The following ALG6 variants were observed in gnomAD, a reference collection of about 807,000 sequenced individuals.
The protein encoded by ALG6 is dolichyl pyrophosphate Man9GlcNAc2 alpha-1,3-glucosyltransferase.
ALG6 carries 46 observed loss-of-function variants against 66.6 expected under a neutral mutation model. That is an observed-to-expected ratio of 0.69 (90% CI 0.55 to 0.88). The LOEUF (loss-of-function observed/expected upper bound fraction) is 0.88. ALG6 is among the 40% of genes least tolerant of loss of function. ALG6 has a pLI of 0.00. For synonymous variants in ALG6, 185 were observed against 203.7 expected (o/e 0.91, Z 0.78); for missense variants, 505 against 586.8 (o/e 0.86, Z 1.44).
intron 7 of ALG6, among the ~76,000 whole-genome samples, chr1:63,408,586 A>G (rs554527992): frequency 6.6e-6 from 1 of 152,252 alleles, no homozygotes; most frequent in South Asian, 2.1e-4. Flanking sequence ...GATAATCCCA[A>G]GTTGTTTTTA....
At chr1:63,409,710 T>G (rs1324337335) in intron 7 of ALG6, among the ~76,000 whole-genome samples, 2 of 152,334 alleles carry the variant, frequency 1.3e-5, no homozygotes, top group East Asian at 3.9e-4. Flanking sequence ...ATGTTTATTT[T>G]ATCCTAGTGT....
chr1:63,397,219 T>C (rs1648851321), intron 3 of ALG6, among the ~76,000 whole-genome samples: 1 of 151,870 alleles, frequency 6.6e-6, no homozygotes, highest in South Asian at 2.1e-4. Context: ...GGAGTCTCAC[T>C]CTGTCGCCCA....
rs1328965340 is a variant in ALG6 at position 63,431,730 on chromosome 1, T to C, written c.1326+2604T>C. ...AGTTTTCAGTGTATAAGTTTTGGACTTCTTTTGTTAAATTTATTCTTAAGT... is the reference window on the plus strand; with the variant it reads ...AGTTTTCAGTGTATAAGTTTTGGACCTCTTTTGTTAAATTTATTCTTAAGT... On this transcript the variant is annotated intron_variant, in intron 14 of 14. Transcript: ENST00000263440. 2.0e-5 allele frequency among the ~76,000 whole-genome samples: 3 copies of C among 152,252 alleles called. No homozygotes were observed. In the South Asian group the frequency reaches 6.2e-4, roughly 31 times the overall value.
chr1:63,436,665 A>G (rs139938195), intron 14 of ALG6, among the ~76,000 whole-genome samples, 158 bp from the exon 15 acceptor site: 66 of 152,270 alleles, frequency 4.3e-4, no homozygotes, highest in African/African-American at 1.5e-3. Context: ...AACTCCTCAT[A>G]TGATTCTAAT....
At chr1:63,425,107 T>C (rs1570086688) in intron 12 of ALG6, among the ~76,000 whole-genome samples, 3 of 152,062 alleles carry the variant, frequency 2.0e-5, no homozygotes, top group African/African-American at 7.2e-5. Context: ...GTGAGGAAGG[T>C]AGACTGTTCT....
chr1:63,408,853 C>T (rs1182514083), intron 7 of ALG6, among the ~76,000 whole-genome samples: 3 of 152,170 alleles, frequency 2.0e-5, no homozygotes, highest in East Asian at 1.9e-4. Flanking sequence ...GATTTTGGCT[C>T]GCTGCAACCT....
intron 2 of ALG6, among the ~76,000 whole-genome samples, chr1:63,384,226 A>G (rs1344804085): frequency 6.6e-6 from 1 of 152,014 alleles, no homozygotes; most frequent in African/African-American, 2.4e-5. Context: ...TTTGATTTGC[A>G]TTTCTCTGAT....
intron 2 of ALG6, among the ~76,000 whole-genome samples, chr1:63,377,723 G>A (rs1313063750): frequency 6.6e-6 from 1 of 151,948 alleles, no homozygotes; most frequent in Non-Finnish European, 1.5e-5. Flanking sequence ...GTTAATATTG[G>A]TTTATTATTT....
intron 2 of ALG6, 44 bp downstream of exon 2, chr1:63,371,103 TGAATAGGTGTTTGTTTGGG>T (rs766690217): frequency 7.5e-7 from 1 of 1,337,828 alleles, no homozygotes; most frequent in Non-Finnish European, 1.1e-6. Flanking sequence ...AATTTTCCTT[TGAATAGGTGTTTGTTTGGG>T]GAAAAGTTTA....
At chr1:63,385,425 C>A (rs1374275855) in intron 2 of ALG6, among the ~76,000 whole-genome samples, 1 of 151,836 alleles carries the variant, frequency 6.6e-6, no homozygotes, top group East Asian at 1.9e-4. Context: ...GTTGGCCAGG[C>A]TGGTCTTGAA....
At chr1:63,428,538 A>G in intron 12 of ALG6, 195 bp from the exon 13 acceptor site, 3 of 450,930 alleles carry the variant, frequency 6.7e-6, no homozygotes, top group Non-Finnish European at 1.2e-5. Flanking sequence ...AGGAGTTGAC[A>G]CCTCTGTGCC....
At chr1:63,373,322 C>T (rs1647999140) in intron 2 of ALG6, among the ~76,000 whole-genome samples, 3 of 151,178 alleles carry the variant, frequency 2.0e-5, no homozygotes. Flanking sequence ...TTTAACCAGA[C>T]TATAGTTTCT....
chr1:63,399,791 G>A (rs1570055754), intron 3 of ALG6, among the ~76,000 whole-genome samples: 1 of 151,964 alleles, frequency 6.6e-6, no homozygotes, highest in South Asian at 2.1e-4. Context: ...AATTCGTGTG[G>A]CAGCCATTTT....
intron 12 of ALG6, among the ~76,000 whole-genome samples, chr1:63,422,424 TAA>T (rs1448584645): frequency 5.7e-5 from 2 of 35,292 alleles, no homozygotes; most frequent in Middle Eastern, 0.021. Flanking sequence ...AATATATATA[TAA>T]ATATAAATAT....
chr1:63,376,249 A>G (rs544018667), intron 2 of ALG6, among the ~76,000 whole-genome samples: 1 of 152,220 alleles, frequency 6.6e-6, no homozygotes, highest in South Asian at 2.1e-4. Flanking sequence ...CATGGTAAGT[A>G]TTTGTGTATT....
At chr1:63,416,578 T>C (rs1183607018) in intron 11 of ALG6, among the ~76,000 whole-genome samples, 1 of 152,170 alleles carries the variant, frequency 6.6e-6, no homozygotes, top group East Asian at 1.9e-4. Context: ...TTGACCAAAT[T>C]ATTGAAGACC....
intron 14 of ALG6, among the ~76,000 whole-genome samples, chr1:63,435,275 A>C (rs1644672055): frequency 6.6e-6 from 1 of 152,202 alleles, no homozygotes; most frequent in Non-Finnish European, 1.5e-5. Flanking sequence ...TGGTATTATG[A>C]CATTTCAACC....
chr1:63,384,831 C>A (rs1648449166), intron 2 of ALG6, among the ~76,000 whole-genome samples: 1 of 152,068 alleles, frequency 6.6e-6, no homozygotes. Context: ...GTTCCATGGT[C>A]TAGGTATCTG....
At chr1:63,374,752 A>G (rs1648062811) in intron 2 of ALG6, among the ~76,000 whole-genome samples, 1 of 152,228 alleles carries the variant, frequency 6.6e-6, no homozygotes, top group Admixed American at 6.5e-5. Context: ...TGATCCTCAC[A>G]TCAGATCATT....
Sources: allele counts gnomAD v4.1 joint callset (sites outside exome capture counted in the v4.1 genomes callset), GRCh38; gene constraint gnomAD v4.1.1; transcripts MANE v1.5; gene names NCBI Gene and HGNC (gene_info 2026-07-23, HGNC 2026-07-21).